Variants in PLPPR5 observed in about 807,000 individuals in gnomAD.
The protein encoded by PLPPR5 is phospholipid phosphatase related 5.
Under a neutral mutation model 33.9 loss-of-function variants are expected in PLPPR5, and 16 were observed. The ratio of observed to expected loss-of-function variants is 0.47; its 90% CI spans 0.32 to 0.72. PLPPR5 has a LOEUF of 0.72. Ranked by LOEUF, PLPPR5 falls within the 30% of genes least tolerant of loss-of-function variation. The probability of loss-of-function intolerance (pLI) is 0.03; values close to 1 mark genes in which losing one functional copy is unlikely to be tolerated. For synonymous variants in PLPPR5, 163 were observed against 150.3 expected (o/e 1.08, Z -0.62); for missense variants, 301 against 406.7 (o/e 0.74, Z 2.23).
intron 1 of PLPPR5, among the ~76,000 whole-genome samples, chr1:98,990,323 C>A (rs1195220821): frequency 6.6e-6 from 1 of 152,014 alleles, no homozygotes. Flanking sequence ...GAGCTGAGAT[C>A]GCGCCACTAT....
intron 1 of PLPPR5, among the ~76,000 whole-genome samples, chr1:98,996,260 T>TACAC (rs1352651573): frequency 1.3e-5 from 2 of 151,952 alleles, no homozygotes; most frequent in Non-Finnish European, 2.9e-5. Context: ...AAATGTATTA[T>TACAC]ACACACACAT....
intron 3 of PLPPR5, among the ~76,000 whole-genome samples, chr1:98,927,456 T>C (rs1649809782): frequency 6.6e-6 from 1 of 152,208 alleles, no homozygotes; most frequent in African/African-American, 2.4e-5. Flanking sequence ...CATACTGACT[T>C]GGTCCATCTA....
intron 3 of PLPPR5, among the ~76,000 whole-genome samples, chr1:98,943,141 C>A (rs896835939): frequency 5.9e-5 from 9 of 152,142 alleles, no homozygotes; most frequent in African/African-American, 1.9e-4. Context: ...ACGAGACTAC[C>A]TAATATATAT....
In PLPPR5 at chr1:98,893,100, T is replaced by C; in HGVS notation, c.938A>G (p.His313Arg). ...TGTGACTTCTGCGAAGGCAGTGATGTGGTTCTGCAAAAAGAAAAAGGAATG... is the reference window on the plus strand; with the variant it reads ...TGTGACTTCTGCGAAGGCAGTGATGCGGTTCTGCAAAAAGAAAAAGGAATG... ...PLEKVTSVQNHITAFAEVT is the reference protein window; with the variant it reads ...PLEKVTSVQNRITAFAEVT The change falls in exon 6 of 6, where the codon CAC becomes CGC. Residue 313 changes from histidine to arginine, a missense_variant. By Grantham distance (29) the His-to-Arg change is conservative (BLOSUM62 0). Coordinates refer to ENST00000263177, the MANE Select transcript of PLPPR5 (RefSeq NM_001037317.2). 3.1e-6 allele frequency: 5 copies of C among 1,611,124 alleles called. No individual in the cohort carries two copies. Among genetic ancestry groups the C allele is most frequent in the Non-Finnish European group, 4.2e-6 (5 of 1,178,310 alleles).
intron 3 of PLPPR5, among the ~76,000 whole-genome samples, chr1:98,945,670 T>C (rs570684237): frequency 3.9e-5 from 6 of 152,344 alleles, no homozygotes; most frequent in Admixed American, 3.9e-4. Context: ...TCAGCCACTC[T>C]AAAGAATTAG....
chr1:98,986,622 C>T (rs112997608), intron 1 of PLPPR5, among the ~76,000 whole-genome samples: 2,976 of 151,568 alleles, frequency 0.02, 102 homozygotes, highest in African/African-American at 0.069. Flanking sequence ...AAAGTATAGG[C>T]CAAAAACTGA....
chr1:98,993,948 G>A (rs948101143), intron 1 of PLPPR5, among the ~76,000 whole-genome samples: 2 of 152,044 alleles, frequency 1.3e-5, no homozygotes, highest in African/African-American at 2.4e-5. Flanking sequence ...GAAATGCCAC[G>A]TTATTTTAGT....
At chr1:98,896,266 A>G (rs1044449146) in intron 5 of PLPPR5, among the ~76,000 whole-genome samples, 2 of 152,090 alleles carry the variant, frequency 1.3e-5, no homozygotes, top group African/African-American at 4.8e-5. Flanking sequence ...AACATGGAAA[A>G]CCAGAATTGT....
At chr1:98,961,696 T>C (rs1651256646) in intron 1 of PLPPR5, among the ~76,000 whole-genome samples, 1 of 152,234 alleles carries the variant, frequency 6.6e-6, no homozygotes, top group Non-Finnish European at 1.5e-5. Context: ...TATATGTCTG[T>C]CCTTATGGCT....
intron 1 of PLPPR5, among the ~76,000 whole-genome samples, chr1:98,993,963 T>G (rs1196246265): frequency 6.6e-6 from 1 of 152,154 alleles, no homozygotes; most frequent in African/African-American, 2.4e-5. Flanking sequence ...TTTAGTGTTA[T>G]GCAGATATGT....
chr1:98,994,721 A>G (rs1652571333), intron 1 of PLPPR5, among the ~76,000 whole-genome samples: 1 of 152,138 alleles, frequency 6.6e-6, no homozygotes, highest in Non-Finnish European at 1.5e-5. Flanking sequence ...TCCCACTCCA[A>G]AGTCTTTTTG....
At chr1:98,956,884 T>A in intron 1 of PLPPR5, 143 bp from the exon 2 acceptor site, 1 of 635,780 alleles carries the variant, frequency 1.6e-6, no homozygotes, top group South Asian at 3.3e-5. Context: ...ATTTCCTAGA[T>A]CCTTTGATTA....
At chr1:98,999,665 G>A (rs902516111) in intron 1 of PLPPR5, among the ~76,000 whole-genome samples, 2 of 152,164 alleles carry the variant, frequency 1.3e-5, no homozygotes, top group African/African-American at 2.4e-5. Context: ...GGCAGGGTTT[G>A]GGGGAAAAGA....
At chr1:98,913,157 G>C (rs1271527171) in intron 5 of PLPPR5, among the ~76,000 whole-genome samples, 1 of 152,132 alleles carries the variant, frequency 6.6e-6, no homozygotes. Context: ...GAGCCCTTCA[G>C]ATTCTTATGG....
intron 4 of PLPPR5, among the ~76,000 whole-genome samples, chr1:98,917,931 A>G (rs1649418072): frequency 2.0e-5 from 3 of 152,194 alleles, no homozygotes; most frequent in Admixed American, 1.3e-4. Context: ...AGAAATTCTC[A>G]AATTTTCTGA....
chr1:98,933,033 C>T (rs754061652), intron 3 of PLPPR5, among the ~76,000 whole-genome samples: 1 of 152,068 alleles, frequency 6.6e-6, no homozygotes, highest in Non-Finnish European at 1.5e-5. Context: ...CCGGGCTGCA[C>T]CCTATAATAA....
chr1:98,903,362 T>C (rs1197568502), intron 5 of PLPPR5, among the ~76,000 whole-genome samples: 3 of 152,126 alleles, frequency 2.0e-5, no homozygotes, highest in African/African-American at 4.8e-5. Flanking sequence ...ATTTGCATTA[T>C]AGAAAATCAA....
intron 1 of PLPPR5, among the ~76,000 whole-genome samples, chr1:98,963,260 G>A (rs1351794056): frequency 1.3e-5 from 2 of 151,978 alleles, no homozygotes; most frequent in East Asian, 3.9e-4. Context: ...TCTATTCCTG[G>A]TGCAGTTCAT....
intron 5 of PLPPR5, among the ~76,000 whole-genome samples, chr1:98,906,407 C>A (rs1164503849): frequency 6.6e-6 from 1 of 151,918 alleles, no homozygotes; most frequent in African/African-American, 2.4e-5. Flanking sequence ...CTGCTCTAGG[C>A]CACAGGTTGG....
Sources: allele counts gnomAD v4.1 joint callset (sites outside exome capture counted in the v4.1 genomes callset), GRCh38; gene constraint gnomAD v4.1.1; transcripts MANE v1.5; gene names NCBI Gene and HGNC (gene_info 2026-07-23, HGNC 2026-07-21).